PTGER3: variants seen among roughly 807,000 people sequenced by gnomAD.
PTGER3 encodes prostaglandin E2 receptor EP3 subtype.
In PTGER3, 22 loss-of-function variants were observed where a neutral mutation model predicts 34.7. That is an observed-to-expected ratio of 0.63 (90% CI 0.45 to 0.91). The LOEUF (loss-of-function observed/expected upper bound fraction) is 0.91, where lower values mean the gene tolerates loss of function less well. PTGER3 is among the 40% of genes least tolerant of loss of function. The probability of loss-of-function intolerance (pLI) is 0.00; values close to 1 mark genes in which losing one functional copy is unlikely to be tolerated. For missense variants in PTGER3, 468 were observed against 519.4 expected (o/e 0.90, Z 0.96); for synonymous variants, 241 against 230.1 (o/e 1.05, Z -0.43).
At chr1:70,985,880 G>C (rs937685742) in intron 2 of PTGER3, among the ~76,000 whole-genome samples, 2 of 152,210 alleles carry the variant, frequency 1.3e-5, no homozygotes, top group Non-Finnish European at 2.9e-5. Flanking sequence ...TTAGGGCTAA[G>C]ATGACATTGT....
At chr1:70,956,025 T>A (rs1651292162) in intron 2 of PTGER3, among the ~76,000 whole-genome samples, 1 of 152,176 alleles carries the variant, frequency 6.6e-6, no homozygotes, top group South Asian at 2.1e-4. Context: ...GGACAGCCAT[T>A]ACAGGTTTGG....
chr1:70,969,036 G>A (rs753552509), downstream of PTGER3, among the ~76,000 whole-genome samples: 3 of 151,902 alleles, frequency 2.0e-5, no homozygotes, highest in East Asian at 1.9e-4. Flanking sequence ...GTGAAACTCC[G>A]TCTCTACTAA....
chr1:71,031,320 A>C (rs1179566744), intron 1 of PTGER3, among the ~76,000 whole-genome samples: 1 of 152,030 alleles, frequency 6.6e-6, no homozygotes, highest in Non-Finnish European at 1.5e-5. Context: ...AAGGCTTCAA[A>C]AGTATGTTAC....
At chr1:70,966,246 T>A (rs1652501301), downstream of PTGER3, among the ~76,000 whole-genome samples, 1 of 152,178 alleles carries the variant, frequency 6.6e-6, no homozygotes, top group Non-Finnish European at 1.5e-5. Flanking sequence ...TCAGCTCTTC[T>A]GTCAAGGTAA....
At chr1:70,935,052 A>T (rs1649075405) in intron 4 of PTGER3, among the ~76,000 whole-genome samples, 1 of 152,168 alleles carries the variant, frequency 6.6e-6, no homozygotes, top group South Asian at 2.1e-4. Flanking sequence ...CTGGAGATAG[A>T]AAAAGAGAAA....
intron 4 of PTGER3, chr1:70,886,162 A>T: frequency 3.1e-6 from 1 of 326,632 alleles, no homozygotes; most frequent in South Asian, 2.3e-5. Context: ...ACATAATGGG[A>T]TTAATGCCCT....
At chr1:70,945,528 CT>C (rs1295948300) in intron 4 of PTGER3, among the ~76,000 whole-genome samples, 1 of 152,034 alleles carries the variant, frequency 6.6e-6, no homozygotes, top group African/African-American at 2.4e-5. Flanking sequence ...CCTAATAGGA[CT>C]TGATTTGGCA....
intron 4 of PTGER3, among the ~76,000 whole-genome samples, chr1:70,935,693 A>ATATATT (rs1491421864): frequency 1.6e-4 from 22 of 140,726 alleles, no homozygotes; most frequent in African/African-American, 4.6e-4. Flanking sequence ...ATATATATAT[A>ATATATT]TGTTCTGCTT....
Position 71,046,739 on chromosome 1 carries a change from G to T in PTGER3, c.839C>A (p.Thr280Lys). Residue 280 changes from threonine to lysine, a missense_variant, in exon 1 of 4, where the codon ACG becomes AAG. Thr to Lys is a moderately conservative substitution (Grantham distance 78). Around this residue, in one of 5 missense-constraint regions of PTGER3, gnomAD observed 204 missense variants for 230.8 expected, o/e 0.88. Transcript: ENST00000306666. The stretch of plus-strand genomic sequence containing the variant: ...CATGATCCCCATAAGCTGAATGGCC[G>T]TCTCGGTCGTGATGCGGCCCCACTG... ...SAQWGRITTE[T>K]AIQLMGIMCV... 1 of 1,610,824 alleles carries T rather than the reference G, an allele frequency of 6.2e-7. No homozygotes were observed. Among genetic ancestry groups the T allele is most frequent in the Non-Finnish European group, 8.5e-7 (1 of 1,178,384 alleles).
At chr1:70,911,427 A>G (rs1265377124) in intron 4 of PTGER3, among the ~76,000 whole-genome samples, 6 of 152,160 alleles carry the variant, frequency 3.9e-5, no homozygotes, top group Admixed American at 3.9e-4. Flanking sequence ...TCTTAAAGAA[A>G]TGTTTTCTCC....
At chr1:71,001,459 T>C (rs999911075) in intron 2 of PTGER3, among the ~76,000 whole-genome samples, 4 of 152,194 alleles carry the variant, frequency 2.6e-5, no homozygotes, top group Non-Finnish European at 5.9e-5. Context: ...TTTTGCAATT[T>C]GGTTGAGAAA....
chr1:71,004,755 G>A (rs550399720), intron 2 of PTGER3, among the ~76,000 whole-genome samples: 1 of 152,292 alleles, frequency 6.6e-6, no homozygotes, highest in South Asian at 2.1e-4. Flanking sequence ...TACTTTCTAA[G>A]AAATTGTGCC....
At chr1:70,926,278 C>G (rs1648077862) in intron 4 of PTGER3, among the ~76,000 whole-genome samples, 1 of 152,212 alleles carries the variant, frequency 6.6e-6, no homozygotes, top group East Asian at 1.9e-4. Flanking sequence ...GGCAGTATGG[C>G]CATTTTCACG....
At chr1:70,987,755 G>C (rs921309420) in intron 2 of PTGER3, among the ~76,000 whole-genome samples, 3 of 152,142 alleles carry the variant, frequency 2.0e-5, no homozygotes, top group African/African-American at 7.2e-5. Flanking sequence ...GTGTGACACT[G>C]CCATAAGAAT....
At chr1:71,041,781 T>C (rs1260443304) in intron 1 of PTGER3, among the ~76,000 whole-genome samples, 1 of 152,102 alleles carries the variant, frequency 6.6e-6, no homozygotes, top group Non-Finnish European at 1.5e-5. Context: ...ATGAATGAGA[T>C]AAATGTGGAA....
At chr1:70,955,179 A>G (rs1245871755) in intron 2 of PTGER3, among the ~76,000 whole-genome samples, 1 of 152,154 alleles carries the variant, frequency 6.6e-6, no homozygotes, top group African/African-American at 2.4e-5. Flanking sequence ...CACCACATAA[A>G]TCTATAGGCC....
chr1:71,032,813 G>A (rs979670887), intron 1 of PTGER3, among the ~76,000 whole-genome samples: 1 of 152,110 alleles, frequency 6.6e-6, no homozygotes, highest in African/African-American at 2.4e-5. Context: ...TTTAAAAGTA[G>A]GGAGTATTAA....
chr1:70,855,520 A>T (rs1645782157), intron 4 of PTGER3, among the ~76,000 whole-genome samples: 6 of 152,204 alleles, frequency 3.9e-5, no homozygotes, highest in Admixed American at 3.9e-4. Flanking sequence ...AAATAAATAA[A>T]TAAATTAGTT....
chr1:70,887,981 G>A (rs1006016948), intron 4 of PTGER3, among the ~76,000 whole-genome samples: 1 of 152,156 alleles, frequency 6.6e-6, no homozygotes, highest in Non-Finnish European at 1.5e-5. Context: ...TGACCAGAAA[G>A]CAATGAAGCA....
Sources: gnomAD v4.1 joint callset for allele counts (sites outside exome capture counted in the v4.1 genomes callset) on GRCh38, gnomAD v4.1.1 for gene constraint, gnomAD v4.1.1 regional missense constraint, MANE v1.5 for transcripts, NCBI Gene and HGNC (gene_info 2026-07-23, HGNC 2026-07-21) for gene names.